The following CRIM1 variants were observed in gnomAD, a reference collection of about 807,000 sequenced individuals.
The protein encoded by CRIM1 is cysteine rich transmembrane BMP regulator 1, also known as cysteine-rich motor neuron 1 protein.
CRIM1 carries 32 observed loss-of-function variants against 116.4 expected under a neutral mutation model. The observed-to-expected ratio is 0.27, with a 90% CI of 0.21 to 0.37. The LOEUF (loss-of-function observed/expected upper bound fraction) is 0.37, where lower values mean the gene tolerates loss of function less well. Ranked by LOEUF, CRIM1 falls within the 10% of genes least tolerant of loss-of-function variation. The probability of loss-of-function intolerance (pLI) is 1.00; values close to 1 mark genes in which losing one functional copy is unlikely to be tolerated. For missense variants in CRIM1, 1,331 were observed against 1,354.8 expected (o/e 0.98, Z 0.28); for synonymous variants, 590 against 509.2 (o/e 1.16, Z -2.13).
intron 1 of CRIM1, among the ~76,000 whole-genome samples, chr2:36,374,860 T>G (rs575801478): frequency 1.5e-5 from 1 of 68,568 alleles, no homozygotes; most frequent in Non-Finnish European, 2.7e-5. Flanking sequence ...TGGCTCTTGA[T>G]GTTTTTTTTT....
In CRIM1 at chr2:36,547,191, A is replaced by T; in HGVS notation, c.2934+20A>T. The T allele has an allele frequency of 6.3e-7, 1 of 1,589,732 alleles. No individual in the cohort carries two copies. The highest frequency in any genetic ancestry group is 8.6e-7 in the Non-Finnish European group (1 of 1,162,142). ...ACTAAGGTACTGTCTTGCAAAAGTT[A>T]GTCTCTTGAATGATGAATCTAGGAA... On this transcript the variant is annotated intron_variant, in intron 16 of 16. Coordinates refer to ENST00000280527, the MANE Select transcript of CRIM1 (RefSeq NM_016441.3).
intron 1 of CRIM1, chr2:36,369,113 T>C (rs1462301040): frequency 1.3e-5 from 2 of 152,220 alleles, no homozygotes; most frequent in African/African-American, 4.8e-5. Context: ...TCCAGGTTGG[T>C]TGGTGCATAT....
At chr2:36,543,462 T>A (rs116065368) in intron 14 of CRIM1, among the ~76,000 whole-genome samples, 1,571 of 152,070 alleles carry the variant, frequency 0.01, 19 homozygotes, top group African/African-American at 0.035. Context: ...TAGGCTATGG[T>A]GAGTATTTAG....
chr2:36,364,680 TA>T (rs1021826914), intron 1 of CRIM1, among the ~76,000 whole-genome samples: 15 of 152,220 alleles, frequency 9.9e-5, no homozygotes, highest in Admixed American at 6.5e-4. Context: ...TTAAATCTGT[TA>T]TTTTTTTAAT....
chr2:36,498,924 C>T (rs973418347), intron 7 of CRIM1, among the ~76,000 whole-genome samples: 2 of 152,166 alleles, frequency 1.3e-5, no homozygotes, highest in African/African-American at 2.4e-5. Context: ...TCATGTTAAC[C>T]TCTCTCGTCT....
At chr2:36,396,466 A>G (rs558610419) in intron 1 of CRIM1, 148 bp from the exon 2 acceptor site, 3 of 523,870 alleles carry the variant, frequency 5.7e-6, no homozygotes, top group African/African-American at 5.7e-5. Flanking sequence ...GGTTTCATTC[A>G]TTTGTAAAGT....
chr2:36,473,766 A>G (rs1558343531), intron 5 of CRIM1, among the ~76,000 whole-genome samples: 1 of 152,130 alleles, frequency 6.6e-6, no homozygotes, highest in Non-Finnish European at 1.5e-5. Context: ...TTGTTTATAT[A>G]TCAGTTAATG....
intron 9 of CRIM1, among the ~76,000 whole-genome samples, chr2:36,511,289 T>C (rs1367791537): frequency 6.6e-6 from 1 of 152,204 alleles, no homozygotes; most frequent in East Asian, 1.9e-4. Flanking sequence ...CTTTCCCATC[T>C]TCTGTCAGTC....
At chr2:36,533,034 G>A (rs535709694) in intron 13 of CRIM1, among the ~76,000 whole-genome samples, 7 of 152,266 alleles carry the variant, frequency 4.6e-5, no homozygotes, top group Non-Finnish European at 8.8e-5. Flanking sequence ...GTTATTTTTC[G>A]TTGGATATTC....
chr2:36,365,714 C>G (rs1298069588), intron 1 of CRIM1, among the ~76,000 whole-genome samples: 3 of 150,458 alleles, frequency 2.0e-5, no homozygotes, highest in African/African-American at 7.3e-5. Context: ...TTTAGGAGAA[C>G]AGAACTATGA....
At chr2:36,406,152 T>C (rs1441926909) in intron 2 of CRIM1, among the ~76,000 whole-genome samples, 2 of 152,222 alleles carry the variant, frequency 1.3e-5, no homozygotes, top group African/African-American at 2.4e-5. Flanking sequence ...ATACTGAAAA[T>C]TAAATTATAT....
At chr2:36,473,744 A>G (rs1305693958) in intron 5 of CRIM1, among the ~76,000 whole-genome samples, 3 of 152,076 alleles carry the variant, frequency 2.0e-5, no homozygotes, top group Admixed American at 6.5e-5. Context: ...TATTGTATAG[A>G]TATACTACTT....
At chr2:36,495,489 T>A (rs963126206) in intron 7 of CRIM1, among the ~76,000 whole-genome samples, 5 of 149,532 alleles carry the variant, frequency 3.3e-5, no homozygotes, top group African/African-American at 1.2e-4. Flanking sequence ...TTTTTTTTTT[T>A]TTTTTTTGGA....
intron 6 of CRIM1, among the ~76,000 whole-genome samples, chr2:36,478,824 A>G (rs1679186404): frequency 7.0e-6 from 1 of 143,040 alleles, no homozygotes. Flanking sequence ...TATACTTGTC[A>G]GTAACCTCAG....
At chr2:36,368,272 C>T (rs924149934) in intron 1 of CRIM1, among the ~76,000 whole-genome samples, 2 of 152,194 alleles carry the variant, frequency 1.3e-5, no homozygotes, top group African/African-American at 4.8e-5. Flanking sequence ...GGACATGCTG[C>T]ACACTGCGCA....
chr2:36,547,667 G>A (rs142101297), intron 16 of CRIM1, among the ~76,000 whole-genome samples: 19 of 152,204 alleles, frequency 1.2e-4, no homozygotes, highest in Admixed American at 1.3e-4. Flanking sequence ...TGGAAAGGTC[G>A]CAAAAGATGA....
chr2:36,438,467 G>C (rs558623401), intron 2 of CRIM1, among the ~76,000 whole-genome samples: 1 of 152,230 alleles, frequency 6.6e-6, no homozygotes. Context: ...TCACCTCTTT[G>C]ATTTATTCTC....
At chr2:36,427,839 A>C (rs1035138869) in intron 2 of CRIM1, among the ~76,000 whole-genome samples, 8 of 152,066 alleles carry the variant, frequency 5.3e-5, no homozygotes, top group Non-Finnish European at 5.9e-5. Flanking sequence ...CCTGGCTCCC[A>C]TTCCTAGCCC....
chr2:36,372,483 A>G (rs55840790), intron 1 of CRIM1, among the ~76,000 whole-genome samples: 1,613 of 152,356 alleles, frequency 0.011, 40 homozygotes, highest in African/African-American at 0.037. Context: ...AAGGATACAT[A>G]GCAAATTAAA....
Sources: allele counts gnomAD v4.1 joint callset (sites outside exome capture counted in the v4.1 genomes callset), GRCh38; gene constraint gnomAD v4.1.1; transcripts MANE v1.5; gene names NCBI Gene and HGNC (gene_info 2026-07-23, HGNC 2026-07-21).